GABBR2: variants seen among roughly 807,000 people sequenced by gnomAD.
GABBR2 encodes gamma-aminobutyric acid type B receptor subunit 2.
Under a neutral mutation model 105.6 loss-of-function variants are expected in GABBR2, and 23 were observed. That is an observed-to-expected ratio of 0.22 (90% CI 0.16 to 0.31). The LOEUF (loss-of-function observed/expected upper bound fraction) is 0.31. Ranked by LOEUF, GABBR2 falls within the 10% of genes least tolerant of loss-of-function variation. The probability of loss-of-function intolerance (pLI) is 1.00; values close to 1 mark genes in which losing one functional copy is unlikely to be tolerated. For missense variants in GABBR2, 734 were observed against 1,245.5 expected (o/e 0.59, Z 6.18); for synonymous variants, 478 against 499.7 (o/e 0.96, Z 0.58).
Position 98,479,206 on chromosome 9 carries a change from A to C in GABBR2, c.798+1726T>G, listed in dbSNP as rs377316466. On this transcript the variant is annotated intron_variant, in intron 5 of 18. Coordinates refer to ENST00000259455, the MANE Select transcript of GABBR2 (RefSeq NM_005458.8). ...ACAATTTTGTGGAATCTACCCATAA[A>C]ACTTGCCAGTAAATGGTGGCCCATT... 1.2e-4 allele frequency among the ~76,000 whole-genome samples: 18 copies of C among 152,264 alleles called. No homozygotes were observed. In the East Asian group the frequency reaches 3.3e-3, roughly 28 times the overall value.
At chr9:98,468,997 A>C (rs1039976745) in intron 6 of GABBR2, among the ~76,000 whole-genome samples, 1 of 152,176 alleles carries the variant, frequency 6.6e-6, no homozygotes, top group Non-Finnish European at 1.5e-5. Flanking sequence ...ATTGTATTAG[A>C]TTTGTGGGGC....
At chr9:98,300,745 A>G (rs930968424) in intron 16 of GABBR2, among the ~76,000 whole-genome samples, 1 of 152,176 alleles carries the variant, frequency 6.6e-6, no homozygotes, top group Admixed American at 6.5e-5. Context: ...TCAAGGCAGG[A>G]CTGTAATCTG....
intron 2 of GABBR2, among the ~76,000 whole-genome samples, chr9:98,564,192 T>A (rs528265337): frequency 6.6e-6 from 1 of 152,232 alleles, no homozygotes; most frequent in Non-Finnish European, 1.5e-5. Flanking sequence ...AGGCAGGAAG[T>A]TCCTCGCCAA....
intron 3 of GABBR2, among the ~76,000 whole-genome samples, chr9:98,521,576 A>G (rs560381652): frequency 5.4e-4 from 83 of 152,332 alleles, no homozygotes; most frequent in African/African-American, 1.9e-3. Context: ...ACAAAGTCAG[A>G]GGCCAGGGGG....
At chr9:98,538,869 G>A (rs1828233019) in intron 3 of GABBR2, among the ~76,000 whole-genome samples, 2 of 152,216 alleles carry the variant, frequency 1.3e-5, no homozygotes, top group South Asian at 4.1e-4. Flanking sequence ...GACATTGAGA[G>A]AGGGATGCCA....
rs58069151 is a variant in GABBR2, at chr9:98,447,537, A to ATGTGTGTG, written c.1236+6436_1236+6443dup. On this transcript the variant is annotated intron_variant, in intron 7 of 18. Coordinates refer to ENST00000259455, the MANE Select transcript of GABBR2 (RefSeq NM_005458.8). ...ACAAGATGATATGTAACTAGTATGT[A>ATGTGTGTG]TGTGTGTGTGTGTGTGTGTGTGTGT... 6.3e-3 allele frequency among the ~76,000 whole-genome samples: 899 copies of ATGTGTGTG among 142,496 alleles called. 4 individuals are homozygous for ATGTGTGTG. The highest frequency in any genetic ancestry group is 0.014 in the Middle Eastern group (4 of 290). The allele number at this position is 142,496 out of a possible 152,430, so 93.5% of individuals were successfully genotyped here.
chr9:98,379,666 C>T (rs965875812), intron 11 of GABBR2, among the ~76,000 whole-genome samples: 1 of 152,172 alleles, frequency 6.6e-6, no homozygotes, highest in Non-Finnish European at 1.5e-5. Context: ...TCCCATCATT[C>T]GTTCATACAT....
chr9:98,684,333 CTT>C (rs1830594530), intron 1 of GABBR2, among the ~76,000 whole-genome samples: 1 of 150,400 alleles, frequency 6.6e-6, no homozygotes, highest in African/African-American at 2.5e-5. Flanking sequence ...ATTTTCCTCT[CTT>C]TATTTGCATT....
chr9:98,460,293 G>T (rs1484212858), intron 6 of GABBR2, among the ~76,000 whole-genome samples: 2 of 152,148 alleles, frequency 1.3e-5, no homozygotes, highest in Non-Finnish European at 1.5e-5. Context: ...TGAGGCAAGA[G>T]AATTGCTTGA....
At chr9:98,401,081 G>A (rs1375848291) in intron 8 of GABBR2, among the ~76,000 whole-genome samples, 1 of 152,116 alleles carries the variant, frequency 6.6e-6, no homozygotes, top group Non-Finnish European at 1.5e-5. Context: ...AAGAGAGAAG[G>A]AAGCCAACAG....
At chr9:98,510,511 G>T (rs1396517510) in intron 3 of GABBR2, among the ~76,000 whole-genome samples, 4 of 152,120 alleles carry the variant, frequency 2.6e-5, no homozygotes, top group African/African-American at 9.7e-5. Flanking sequence ...TCAGTGTGCT[G>T]TATTCAGGAA....
intron 3 of GABBR2, among the ~76,000 whole-genome samples, chr9:98,531,525 T>A (rs1828067281): frequency 6.6e-6 from 1 of 151,590 alleles, no homozygotes. Context: ...ATCCTGGAAA[T>A]GCTCCAGATG....
rs1182072320 is a variant in GABBR2, at chr9:98,349,349, GTTTTTTTT to G, written c.1893+13358_1893+13365del. 2.1e-4 allele frequency among the ~76,000 whole-genome samples: 5 copies of G among 24,234 alleles called. No individual in the cohort carries two copies. The South Asian group carries it at 4.1e-3, about 20-fold the overall frequency. The allele number at this position is 24,234 out of a possible 152,430, so 15.9% of individuals were successfully genotyped here. ...TTTGCCAATATTTTGTTGAAGTTTT[GTTTTTTTT>G]TTTTTTTTTTTTTTTTTTTTTTCGG... On this transcript the variant is annotated intron_variant, in intron 13 of 18. Transcript: ENST00000259455.
intron 7 of GABBR2, among the ~76,000 whole-genome samples, chr9:98,429,922 C>T (rs1464637188): frequency 6.6e-6 from 1 of 152,252 alleles, no homozygotes; most frequent in East Asian, 1.9e-4. Context: ...TGCCCACACA[C>T]TCCAACTTCT....
intron 8 of GABBR2, among the ~76,000 whole-genome samples, chr9:98,403,081 G>C (rs1832422767): frequency 6.6e-6 from 1 of 152,022 alleles, no homozygotes; most frequent in Non-Finnish European, 1.5e-5. Context: ...AGACTGCGAG[G>C]TCAGGAGTTC....
chr9:98,488,715 G>T (rs759459155), intron 4 of GABBR2, among the ~76,000 whole-genome samples: 1 of 152,040 alleles, frequency 6.6e-6, no homozygotes, highest in South Asian at 2.1e-4. Flanking sequence ...AGAAGAAATG[G>T]GGGGAGACAG....
intron 6 of GABBR2, among the ~76,000 whole-genome samples, chr9:98,455,941 G>A (rs193101442): frequency 3.9e-5 from 6 of 152,258 alleles, no homozygotes; most frequent in African/African-American, 1.4e-4. Flanking sequence ...TGATCTGTTT[G>A]CAGCTTTCCT....
intron 2 of GABBR2, among the ~76,000 whole-genome samples, chr9:98,559,729 C>T (rs1023066352): frequency 6.6e-6 from 1 of 151,960 alleles, no homozygotes; most frequent in African/African-American, 2.4e-5. Context: ...ACAAATGTGA[C>T]AATGTGGCCA....
At chr9:98,505,869 G>A (rs971931417) in intron 3 of GABBR2, among the ~76,000 whole-genome samples, 5 of 152,186 alleles carry the variant, frequency 3.3e-5, no homozygotes, top group African/African-American at 1.2e-4. Context: ...CCAGAACTAT[G>A]AGACAATACA....
Sources: gnomAD v4.1 joint callset for allele counts (sites outside exome capture counted in the v4.1 genomes callset) on GRCh38, gnomAD v4.1.1 for gene constraint, MANE v1.5 for transcripts, NCBI Gene and HGNC (gene_info 2026-07-23, HGNC 2026-07-21) for gene names.